FAM177A1: variants seen among roughly 807,000 people sequenced by gnomAD.
FAM177A1 encodes protein FAM177A1.
A neutral mutation model predicts 26.1 loss-of-function variants in FAM177A1; 22 were observed. That is an observed-to-expected ratio of 0.84 (90% CI 0.60 to 1.20). The LOEUF is 1.20. Ranked by LOEUF, FAM177A1 falls within the 50% of genes most tolerant of loss-of-function variation. FAM177A1 has a pLI of 0.00. For missense variants in FAM177A1, 296 were observed against 291.1 expected (o/e 1.02, Z -0.12); for synonymous variants, 95 against 99.3 (o/e 0.96, Z 0.26).
intron 1 of FAM177A1, among the ~76,000 whole-genome samples, chr14:35,052,316 G>A (rs894818518): frequency 1.3e-5 from 2 of 151,590 alleles, no homozygotes; most frequent in Non-Finnish European, 2.9e-5. Context: ...GCGCCTTCCA[G>A]GTTCATGCCA....
intron 1 of FAM177A1, 194 bp from the exon 2 acceptor site, chr14:35,053,084 T>G: frequency 6.0e-6 from 3 of 501,146 alleles, no homozygotes; most frequent in Admixed American, 3.7e-5. Context: ...AAATGGTGGG[T>G]TTTATTTGGT....
intron 2 of FAM177A1, among the ~76,000 whole-genome samples, chr14:35,059,817 G>A (rs1261928502): frequency 6.6e-6 from 1 of 152,152 alleles, no homozygotes; most frequent in African/African-American, 2.4e-5. Context: ...AAAGTGCTGG[G>A]ATTACAGGCG....
Position 35,053,303 on chromosome 14 carries a change from A to G in FAM177A1, c.191A>G (p.Asn64Ser), listed in dbSNP as rs1313319700. Reference protein sequence around the residue: ...GQMSNERGFENVELGVIGKKK... With the variant: ...GQMSNERGFESVELGVIGKKK... ...ATGAGTAACGAAAGAGGCTTTGAAA[A>G]TGTAGAACTGGGAGTCATAGGAAAA... Residue 64 changes from asparagine (N) to serine (S), a missense_variant, in exon 2 of 5, where the codon AAT becomes AGT. Asn to Ser is a conservative substitution (Grantham distance 46). Coordinates refer to ENST00000280987, the MANE Select transcript of FAM177A1 (RefSeq NM_173607.5). 2 of 1,612,948 alleles carry G rather than the reference A, an allele frequency of 1.2e-6. No individual in the cohort carries two copies. The highest frequency in any genetic ancestry group is 1.1e-5 in the South Asian group (1 of 90,894).
rs145536297 is a variant in FAM177A1, at chr14:35,079,025, G to T, written c.504+1G>T. On this transcript the variant is annotated splice_donor_variant, in intron 4 of 4. Transcript: ENST00000280987. LOFTEE classifies it high-confidence loss of function. ...TGAATATTATCGGATGAAGAAGGAGGTATGCCTCCTTTTTACATTTTCTTG... is the reference window on the plus strand; with the variant it reads ...TGAATATTATCGGATGAAGAAGGAGTTATGCCTCCTTTTTACATTTTCTTG... 1 of 1,551,556 alleles carries T rather than the reference G, an allele frequency of 6.4e-7. No individual in the cohort carries two copies. Among genetic ancestry groups the T allele is most frequent in the African/African-American group, 1.4e-5 (1 of 70,596 alleles).
rs773224837 is a variant in FAM177A1, at chr14:35,046,491, C to A, written c.28C>A (p.Leu10Ile). 3 of 1,601,068 alleles carry A rather than the reference C, an allele frequency of 1.9e-6. No individual in the cohort carries two copies. The highest frequency in any genetic ancestry group is 2.7e-5 in the African/African-American group (2 of 74,120). The change falls in exon 1 of 5, where the codon CTC becomes ATC. Residue 10 changes from leucine (L) to isoleucine (I), a missense_variant. Physicochemically the swap from Leu to Ile is conservative, Grantham distance 5. Transcript: ENST00000280987. MEVGLPAIT[L>I]FLTSASSPVV... ...GGAAGTGGGCTTACCGGCCATTACC[C>A]TCTTTCTCACCAGCGCCAGCAGCCC...
intron 4 of FAM177A1, among the ~76,000 whole-genome samples, chr14:35,080,808 G>T (rs1199405477): frequency 2.0e-5 from 3 of 150,240 alleles, no homozygotes; most frequent in Admixed American, 6.6e-5. Context: ...CAAACAACAA[G>T]AAAAAACTAC....
At chr14:35,067,154 C>G (rs912106755) in intron 2 of FAM177A1, among the ~76,000 whole-genome samples, 3 of 152,150 alleles carry the variant, frequency 2.0e-5, no homozygotes, top group African/African-American at 7.2e-5. Flanking sequence ...TTCTTCCTAA[C>G]TGTAACATTG....
chr14:35,074,154 A>G (rs945379624), intron 2 of FAM177A1, among the ~76,000 whole-genome samples: 2 of 152,042 alleles, frequency 1.3e-5, no homozygotes, highest in Admixed American at 6.6e-5. Context: ...TTATTTATTT[A>G]TTTTTTGTGA....
At chr14:35,051,753 A>T (rs2044975205) in intron 1 of FAM177A1, among the ~76,000 whole-genome samples, 1 of 152,146 alleles carries the variant, frequency 6.6e-6, no homozygotes, top group African/African-American at 2.4e-5. Flanking sequence ...AATCCTGGCT[A>T]ATGACTAAAC....
intron 1 of FAM177A1, among the ~76,000 whole-genome samples, chr14:35,051,667 C>T (rs1349081180): frequency 6.6e-6 from 1 of 152,184 alleles, no homozygotes; most frequent in Admixed American, 6.5e-5. Flanking sequence ...CCTGCCTCAG[C>T]CTCCCAAAGT....
chr14:35,082,157 C>T lies in FAM177A1; in HGVS notation c.*929C>T, dbSNP rs369046197. 6.6e-6 allele frequency: 1 copy of T among 152,180 alleles called. No individual in the cohort carries two copies. Among genetic ancestry groups the T allele is most frequent in the South Asian group, 2.1e-4 (1 of 4,832 alleles). The allele number at this position is 152,180 out of a possible 1,614,324, so 9.4% of individuals were successfully genotyped here. A position where few individuals can be genotyped will look rare whatever the true frequency, so the allele number is the denominator to read the frequency against. On this transcript the variant is annotated 3_prime_UTR_variant, in exon 5 of 5. Transcript: ENST00000280987. ...TTTACTTGAATCTGGTTGGCCACTC[C>T]TCTACCTACTTGGTTATTTGTAAAC...
chr14:35,063,114 TCGCGCCACTGCACTCCAG>T (rs1405481258), intron 2 of FAM177A1, among the ~76,000 whole-genome samples: 3 of 133,784 alleles, frequency 2.2e-5, no homozygotes, highest in Admixed American at 8.3e-5. Context: ...TGAGCCAAGA[TCGCGCCACTGCACTCCAG>T]CCTGGCAACA....
intron 2 of FAM177A1, among the ~76,000 whole-genome samples, chr14:35,065,024 AT>A (rs1355704924): frequency 6.6e-6 from 1 of 151,820 alleles, no homozygotes; most frequent in Admixed American, 6.6e-5. Context: ...CATCTGGTTA[AT>A]TTTTTATGTA....
chr14:35,056,704 G>T (rs997501918), intron 2 of FAM177A1, among the ~76,000 whole-genome samples: 5 of 152,012 alleles, frequency 3.3e-5, no homozygotes, highest in African/African-American at 1.2e-4. Context: ...AAGCCTCCTT[G>T]GCTTTTCTTT....
intron 2 of FAM177A1, among the ~76,000 whole-genome samples, chr14:35,055,439 C>A (rs1270259075): frequency 2.0e-5 from 3 of 149,652 alleles, no homozygotes; most frequent in South Asian, 4.2e-4. Context: ...CATGCAATAA[C>A]TGTTTTTTTT....
intron 2 of FAM177A1, among the ~76,000 whole-genome samples, chr14:35,070,343 TC>T (rs1213742188): frequency 6.7e-6 from 1 of 149,394 alleles, no homozygotes; most frequent in African/African-American, 2.5e-5. Context: ...ATTTTTTTTT[TC>T]TTTGCGTCGG....
At chr14:35,075,974 A>C (rs2045388361) in intron 2 of FAM177A1, among the ~76,000 whole-genome samples, 1 of 152,208 alleles carries the variant, frequency 6.6e-6, no homozygotes, top group Admixed American at 6.5e-5. Context: ...AGAAATAGGA[A>C]CACTTTTATA....
chr14:35,078,526 A>G (rs751513774), intron 3 of FAM177A1, among the ~76,000 whole-genome samples: 6 of 151,966 alleles, frequency 3.9e-5, no homozygotes, highest in Non-Finnish European at 8.8e-5. Context: ...TAATTTTTGT[A>G]TTTTTAGTAG....
rs553068183 is a variant in FAM177A1 at position 35,074,999 on chromosome 14, T to C, written c.340-2151T>C. Among the ~76,000 whole-genome samples the C allele has an allele frequency of 2.6e-5, 4 of 152,286 alleles. No homozygotes were observed. In the East Asian group the frequency reaches 7.8e-4, roughly 30 times the overall value. On this transcript the variant is annotated intron_variant, in intron 2 of 4. Coordinates refer to ENST00000280987, the MANE Select transcript of FAM177A1 (RefSeq NM_173607.5). ...TTGCATTGAGCTGAGATTGTGCCACTGCGTTCTAGCATGGGTGACAGAGTG... is the reference window on the plus strand; with the variant it reads ...TTGCATTGAGCTGAGATTGTGCCACCGCGTTCTAGCATGGGTGACAGAGTG...
Sources: gnomAD v4.1 joint callset for allele counts (sites outside exome capture counted in the v4.1 genomes callset) on GRCh38, gnomAD v4.1.1 for gene constraint, MANE v1.5 for transcripts, NCBI Gene and HGNC (gene_info 2026-07-23, HGNC 2026-07-21) for gene names.